DCDC2C: variants seen among roughly 807,000 people sequenced by gnomAD.
DCDC2C encodes the protein doublecortin domain-containing protein 2C.
Under a neutral mutation model 45.0 loss-of-function variants are expected in DCDC2C, and 44 were observed. The ratio of observed to expected loss-of-function variants is 0.98; its 90% CI spans 0.77 to 1.26. The LOEUF is 1.26. Among genes scored for constraint, DCDC2C ranks in the 50% most tolerant of loss-of-function variants. The pLI is 0.00. For synonymous variants in DCDC2C, 187 were observed against 178.8 expected, an observed-to-expected ratio of 1.05 and a Z score of -0.37; for missense variants, 447 against 468.9, an observed-to-expected ratio of 0.95 and a Z score of 0.43.
rs1669870686 is a variant in DCDC2C, at chr2:3,761,187, C to A, written c.726+6553C>A. ...CTAATTTAATAAATGTTTAAAATTG[C>A]ATTCACATATTAAAATGAATGTTTT... On this transcript the variant is annotated intron_variant, in intron 6 of 10. Coordinates refer to ENST00000399143, the MANE Select transcript of DCDC2C (RefSeq NM_001287444.2). The surrounding 1 kb of genome is among the most constrained non-coding windows in gnomAD (Gnocchi z 4.3). Among the ~76,000 whole-genome samples the A allele has an allele frequency of 6.6e-6, 1 of 152,188 alleles. No homozygotes were observed. The highest frequency in any genetic ancestry group is 2.4e-5 in the African/African-American group (1 of 41,448).
At chr2:3,826,225 C>G (rs1671811690) in intron 10 of DCDC2C, among the ~76,000 whole-genome samples, 1 of 152,118 alleles carries the variant, frequency 6.6e-6, no homozygotes, top group Non-Finnish European at 1.5e-5. Flanking sequence ...TTCCATCCAC[C>G]ACCTCCTCCT....
At chr2:3,764,690 C>CTAAT (rs1558215770) in intron 6 of DCDC2C, among the ~76,000 whole-genome samples, 1 of 152,126 alleles carries the variant, frequency 6.6e-6, no homozygotes, top group Non-Finnish European at 1.5e-5. Flanking sequence ...AATACATAGC[C>CTAAT]AACTCTAGAT....
At chr2:3,776,048 T>G (rs1456972426) in intron 8 of DCDC2C, among the ~76,000 whole-genome samples, 4 of 152,198 alleles carry the variant, frequency 2.6e-5, no homozygotes. Context: ...CTGCCCCTTC[T>G]TCATCATAGA....
rs1476511739 is a variant in DCDC2C at position 3,796,277 on chromosome 2, A to G, written c.1065+11177A>G. On this transcript the variant is annotated intron_variant, in intron 10 of 10. Coordinates refer to ENST00000399143, the MANE Select transcript of DCDC2C (RefSeq NM_001287444.2). ...CTTAAGGAGATTTTGGGCTGAGACA[A>G]TGGGGTTTTCTAGATATACAATCAT... Among the ~76,000 whole-genome samples, 3 of 105,276 alleles carry G rather than the reference A, an allele frequency of 2.8e-5. 1 individual carries two copies. The highest frequency in any genetic ancestry group is 1.9e-5 in the Non-Finnish European group (1 of 53,594). The allele number at this position is 105,276 out of a possible 152,430, so 69.1% of individuals were successfully genotyped here. A position where few individuals can be genotyped will look rare whatever the true frequency, so the allele number is the denominator to read the frequency against.
At position 3,741,904 on chromosome 2, in the gene DCDC2C, C is replaced by G. The variant is rs557431849; in HGVS notation, c.417-16C>G. 43 of 1,538,338 alleles carry G rather than the reference C, an allele frequency of 2.8e-5. No homozygotes were observed. In the Admixed American group the frequency reaches 8.0e-4, roughly 29 times the overall value. On this transcript the variant is annotated splice_polypyrimidine_tract_variant and intron_variant, in intron 3 of 10. Transcript: ENST00000399143. ...ACTTAAGGTATTAATGGATGCTTTT[C>G]TTTTTATTCTTACAGTGTTTTTACA...
At chr2:3,759,652 G>A (rs1215461731) in intron 6 of DCDC2C, among the ~76,000 whole-genome samples, 1 of 152,232 alleles carries the variant, frequency 6.6e-6, no homozygotes, top group African/African-American at 2.4e-5. Context: ...ACATTTGTGT[G>A]AGAAGTTGCT....
intron 10 of DCDC2C, among the ~76,000 whole-genome samples, chr2:3,820,173 C>T (rs551575569): frequency 1.4e-4 from 22 of 152,202 alleles, no homozygotes; most frequent in South Asian, 1.2e-3. Context: ...CATTTTTTGA[C>T]GAAAATCATC....
chr2:3,763,624 C>A (rs750152235), intron 6 of DCDC2C, among the ~76,000 whole-genome samples: 5 of 152,152 alleles, frequency 3.3e-5, no homozygotes, highest in Non-Finnish European at 7.3e-5. Context: ...TTCTTCTCTC[C>A]CTGGAATATA....
intron 10 of DCDC2C, among the ~76,000 whole-genome samples, chr2:3,792,426 T>C (rs1030650459): frequency 1.6e-4 from 24 of 152,218 alleles, no homozygotes; most frequent in African/African-American, 5.5e-4. Flanking sequence ...GCACAAGCCA[T>C]TGTAGTCACA....
intron 10 of DCDC2C, among the ~76,000 whole-genome samples, chr2:3,810,815 ACCACCATT>A (rs1171470442): frequency 6.6e-6 from 1 of 152,142 alleles, no homozygotes; most frequent in East Asian, 1.9e-4. Flanking sequence ...CAGTTTTCCT[ACCACCATT>A]TGCTGAACAG....
At chr2:3,726,948 G>A (rs1668706408) in intron 2 of DCDC2C, 55 bp from the exon 3 acceptor site, 3 of 1,465,540 alleles carry the variant, frequency 2.0e-6, no homozygotes, top group Non-Finnish European at 2.8e-6. Flanking sequence ...TGTTGAGTTT[G>A]ATGAGTGTTG....
At chr2:3,816,392 T>C (rs1671559803) in intron 10 of DCDC2C, among the ~76,000 whole-genome samples, 1 of 152,144 alleles carries the variant, frequency 6.6e-6, no homozygotes, top group Non-Finnish European at 1.5e-5. Flanking sequence ...CCAGGCCAGA[T>C]TGATTTAGGT....
At chr2:3,799,097 C>T (rs905570739) in intron 10 of DCDC2C, among the ~76,000 whole-genome samples, 2 of 151,938 alleles carry the variant, frequency 1.3e-5, no homozygotes, top group Admixed American at 1.3e-4. Context: ...TCTAAACTTC[C>T]CTTCTCACTT....
intron 6 of DCDC2C, among the ~76,000 whole-genome samples, chr2:3,767,452 C>T (rs1008829886): frequency 1.3e-5 from 2 of 152,222 alleles, no homozygotes; most frequent in African/African-American, 4.8e-5. Context: ...TCCTCTAAAG[C>T]AAGCCCTTAT....
rs187931069 is a variant in DCDC2C at position 3,831,974 on chromosome 2, C to T, written c.1066-15180C>T. 2.5e-3 allele frequency among the ~76,000 whole-genome samples: 376 copies of T among 152,310 alleles called. 2 individuals carry two copies. Among genetic ancestry groups the T allele is most frequent in the African/African-American group, 8.4e-3 (351 of 41,558 alleles). ...TTTCCTTGAGTTCCCTATGTCGGTT[C>T]TGTTGCGTCATGTGCAGGAATCAGT... On this transcript the variant is annotated intron_variant, in intron 10 of 10. Transcript: ENST00000399143.
At position 3,761,221 on chromosome 2, in the gene DCDC2C, G is replaced by A. The variant is rs1669871824; in HGVS notation, c.727-6533G>A. On this transcript the variant is annotated intron_variant, in intron 6 of 10. Transcript: ENST00000399143. The surrounding 1 kb of genome is among the most constrained non-coding windows in gnomAD (Gnocchi z 4.3). The stretch of plus-strand genomic sequence containing the variant: ...ATTAAAATGAATGTTTTATGGTTCA[G>A]GCTTCTGTGAAAAATCAGTAAATAG... Among the ~76,000 whole-genome samples, 5 of 152,122 alleles carry A rather than the reference G, an allele frequency of 3.3e-5. No individual in the cohort carries two copies. Among genetic ancestry groups the A allele is most frequent in the Admixed American group, 2.6e-4 (4 of 15,268 alleles).
chr2:3,799,141 C>G (rs1159254552), intron 10 of DCDC2C, among the ~76,000 whole-genome samples: 1 of 152,134 alleles, frequency 6.6e-6, no homozygotes, highest in Non-Finnish European at 1.5e-5. Flanking sequence ...TTGCTGATAC[C>G]CTTTCTTCCA....
In DCDC2C at chr2:3,769,393, G is replaced by A. The variant is rs1670101850; in HGVS notation, c.936G>A (p.Leu312=). 3 of 1,550,512 alleles carry A rather than the reference G, an allele frequency of 1.9e-6. No individual in the cohort carries two copies. The highest frequency in any genetic ancestry group is 2.6e-6 in the Non-Finnish European group (3 of 1,146,944). Residue 312 remains leucine (L), a synonymous_variant, in exon 8 of 11, where the codon CTG becomes CTA. Transcript: ENST00000399143. ...LDVKEEHNVQ[L]EVPVDQRQAE... ...TCAAAGAGGAGCACAATGTGCAGCT[G>A]GAGGTGCCTGTGGACCAGGTGGGTG...
chr2:3,781,094 T>A (rs2148175624), intron 9 of DCDC2C, among the ~76,000 whole-genome samples: 1 of 152,320 alleles, frequency 6.6e-6, no homozygotes, highest in South Asian at 2.1e-4. Context: ...AAGCAACTCA[T>A]GGGGTTGAAG....
Sources: allele counts gnomAD v4.1 joint callset (sites outside exome capture counted in the v4.1 genomes callset), GRCh38; gene constraint gnomAD v4.1.1; non-coding constraint Gnocchi (gnomAD v3.1); transcripts MANE v1.5; gene names NCBI Gene and HGNC (gene_info 2026-07-23, HGNC 2026-07-21).